Variants in LOC122539214 observed in about 807,000 individuals in gnomAD.
the LOC122539214 span, among the ~76,000 whole-genome samples, chr19:52,661,818 C>T: frequency 1.3e-5 from 2 of 152,074 alleles, no homozygotes; most frequent in African/African-American, 4.8e-5. Context: ...TCAAATGGGG[C>T]CTGTGGGAGA....
At chr19:52,682,723 A>G in the LOC122539214 span, among the ~76,000 whole-genome samples, 1 of 151,906 alleles carries the variant, frequency 6.6e-6, no homozygotes, top group Non-Finnish European at 1.5e-5. Context: ...GAAAAGATGT[A>G]GCTATGTGTG....
chr19:52,675,592 A>C, the LOC122539214 span, among the ~76,000 whole-genome samples: 1 of 152,094 alleles, frequency 6.6e-6, no homozygotes, highest in Non-Finnish European at 1.5e-5. Context: ...GTGGTGTTGG[A>C]GGGGATGGGC....
At chr19:52,687,577 TTTA>T in the LOC122539214 span, among the ~76,000 whole-genome samples, 2 of 35,012 alleles carry the variant, frequency 5.7e-5, 1 homozygote, top group Non-Finnish European at 9.8e-5. Context: ...ATATATAAAT[TTTA>T]TATATATATA....
At chr19:52,656,556 T>C in the LOC122539214 span, among the ~76,000 whole-genome samples, 2 of 151,710 alleles carry the variant, frequency 1.3e-5, no homozygotes, top group African/African-American at 4.8e-5. Context: ...ATATTGCAAA[T>C]AATGTGTTTT....
chr19:52,674,715 C>T, the LOC122539214 span, among the ~76,000 whole-genome samples: 6 of 152,080 alleles, frequency 3.9e-5, no homozygotes, highest in African/African-American at 7.2e-5. Flanking sequence ...CGTAAAAATG[C>T]GAGAAGTTTC....
At chr19:52,653,418 AACTCTGTT>A in the LOC122539214 span, 2 of 850,344 alleles carry the variant, frequency 2.4e-6, no homozygotes, top group East Asian at 6.6e-5. Context: ...CTTCAGTATG[AACTCTGTT>A]ATGGCGTGAA....
At chr19:52,656,087 C>G in the LOC122539214 span, among the ~76,000 whole-genome samples, 1 of 152,044 alleles carries the variant, frequency 6.6e-6, no homozygotes, top group Non-Finnish European at 1.5e-5. Context: ...GTTGTGCATG[C>G]CTCTAGTCCC....
At chr19:52,666,824 C>A in the LOC122539214 span, among the ~76,000 whole-genome samples, 2 of 152,152 alleles carry the variant, frequency 1.3e-5, 1 homozygote, top group South Asian at 4.1e-4. Flanking sequence ...CCCTTCCAGA[C>A]AGGACTATAC....
chr19:52,673,339 TA>T, the LOC122539214 span, among the ~76,000 whole-genome samples: 1 of 152,036 alleles, frequency 6.6e-6, no homozygotes, highest in Non-Finnish European at 1.5e-5. Flanking sequence ...ACCCTGTCTC[TA>T]AAAAAATACA....
At chr19:52,656,626 T>C in the LOC122539214 span, among the ~76,000 whole-genome samples, 3 of 152,090 alleles carry the variant, frequency 2.0e-5, no homozygotes, top group Admixed American at 6.5e-5. Context: ...CGAACACTTA[T>C]GGAGGCTGAG....
chr19:52,665,928 A>AGGCG, the LOC122539214 span, among the ~76,000 whole-genome samples: 1 of 152,054 alleles, frequency 6.6e-6, no homozygotes, highest in East Asian at 1.9e-4. Context: ...TGGGAGGCTG[A>AGGCG]GGTGGGCAAA....
chr19:52,681,672 C>G, the LOC122539214 span, among the ~76,000 whole-genome samples: 1 of 152,188 alleles, frequency 6.6e-6, no homozygotes, highest in African/African-American at 2.4e-5. Context: ...ATCCAGATGT[C>G]TGGGATTCAG....
the LOC122539214 span, among the ~76,000 whole-genome samples, chr19:52,686,502 A>T: frequency 2.4e-5 from 2 of 83,874 alleles, no homozygotes; most frequent in African/African-American, 1.1e-4. Flanking sequence ...GAAACCAGAA[A>T]GAAAAAAAAA....
the LOC122539214 span, chr19:52,652,929 T>C: frequency 8.4e-7 from 1 of 1,186,934 alleles, no homozygotes; most frequent in Non-Finnish European, 1.2e-6. Flanking sequence ...TATAATGGTA[T>C]ACAAAGGATG....
the LOC122539214 span, among the ~76,000 whole-genome samples, chr19:52,663,627 C>A: frequency 6.6e-6 from 1 of 152,172 alleles, no homozygotes; most frequent in African/African-American, 2.4e-5. Context: ...ATTGAGTACA[C>A]ATTGAAACAA....
At chr19:52,665,362 G>A in the LOC122539214 span, among the ~76,000 whole-genome samples, 1 of 151,810 alleles carries the variant, frequency 6.6e-6, no homozygotes, top group African/African-American at 2.4e-5. Context: ...CAGCCTGGGC[G>A]ACAAAGTAAG....
chr19:52,654,620 G>A, the LOC122539214 span, among the ~76,000 whole-genome samples: 17,964 of 152,140 alleles, frequency 0.12, 1,198 homozygotes, highest in Admixed American at 0.13. Flanking sequence ...AGGACGCTGA[G>A]GCAGGAGAAT....
chr19:52,651,206 A>G, the LOC122539214 span: 1 of 152,252 alleles, frequency 6.6e-6, no homozygotes, highest in Admixed American at 6.5e-5. Flanking sequence ...AAAATTCCAT[A>G]TGACCATCAG....
chr19:52,657,133 T>C, the LOC122539214 span, among the ~76,000 whole-genome samples: 1 of 151,092 alleles, frequency 6.6e-6, no homozygotes, highest in African/African-American at 2.4e-5. Context: ...CTCCCAAAAG[T>C]TGGAAGCTCA....
Sources: gnomAD v4.1 joint callset for allele counts (sites outside exome capture counted in the v4.1 genomes callset) on GRCh38, gnomAD v4.1.1 for gene constraint, MANE v1.5 for transcripts.